CDKL4: variants seen among roughly 807,000 people sequenced by gnomAD.
CDKL4 encodes cyclin-dependent kinase-like 4.
Under a neutral mutation model 42.0 loss-of-function variants are expected in CDKL4, and 44 were observed. The ratio of observed to expected loss-of-function variants is 1.05; its 90% CI spans 0.82 to 1.35. The LOEUF (loss-of-function observed/expected upper bound fraction) is 1.35. Among genes scored for constraint, CDKL4 ranks in the 40% most tolerant of loss-of-function variants. The probability of loss-of-function intolerance (pLI) is 0.00; values close to 1 mark genes in which losing one functional copy is unlikely to be tolerated. For missense variants in CDKL4, 393 were observed against 369.9 expected (o/e 1.06, Z -0.51); for synonymous variants, 120 against 121.6 (o/e 0.99, Z 0.09).
At chr2:39,213,284 C>T (rs1434423951) in intron 4 of CDKL4, 116 bp downstream of exon 4, 1 of 658,884 alleles carries the variant, frequency 1.5e-6, no homozygotes, top group Admixed American at 2.8e-5. Context: ...TTTTGTTTTG[C>T]TTCTTTGGCT....
At chr2:39,221,209 G>A in intron 3 of CDKL4, among the ~76,000 whole-genome samples, 1 of 150,970 alleles carries the variant, frequency 6.6e-6, no homozygotes, top group Non-Finnish European at 1.5e-5. Flanking sequence ...AAGATATGGG[G>A]TTTCACTGTG....
At chr2:39,234,431 G>T (rs1161918134) in intron 1 of CDKL4, among the ~76,000 whole-genome samples, 6 of 151,622 alleles carry the variant, frequency 4.0e-5, no homozygotes, top group African/African-American at 1.2e-4. Context: ...TTAAAATGAA[G>T]AAAAAAAGGT....
intron 6 of CDKL4, among the ~76,000 whole-genome samples, chr2:39,189,790 A>T (rs1676066894): frequency 6.6e-6 from 1 of 152,370 alleles, no homozygotes; most frequent in African/African-American, 2.4e-5. Context: ...TCATTTGTTG[A>T]CATGCTGCGT....
At chr2:39,206,010 G>C (rs915613700) in intron 4 of CDKL4, among the ~76,000 whole-genome samples, 21 of 151,778 alleles carry the variant, frequency 1.4e-4, no homozygotes, top group Admixed American at 2.0e-4. Flanking sequence ...TACTGGGAAA[G>C]TGGGACCCGA....
intron 1 of CDKL4, among the ~76,000 whole-genome samples, chr2:39,238,580 T>C (rs912092024): frequency 6.6e-6 from 1 of 152,098 alleles, no homozygotes; most frequent in African/African-American, 2.4e-5. Context: ...AGAACAAATT[T>C]AGAATATTTA....
intron 4 of CDKL4, 78 bp from the exon 5 acceptor site, chr2:39,204,695 C>G: frequency 1.3e-6 from 1 of 742,878 alleles, no homozygotes; most frequent in East Asian, 2.7e-5. Flanking sequence ...GTTTAAATAA[C>G]AGATACACAG....
chr2:39,216,129 C>T (rs1677901076), intron 3 of CDKL4, among the ~76,000 whole-genome samples: 1 of 152,164 alleles, frequency 6.6e-6, no homozygotes, highest in Admixed American at 6.5e-5. Flanking sequence ...GCTCTCTGCA[C>T]CTTCAATTTT....
chr2:39,207,529 T>C (rs751556257), intron 4 of CDKL4, among the ~76,000 whole-genome samples: 1 of 152,250 alleles, frequency 6.6e-6, no homozygotes, highest in African/African-American at 2.4e-5. Flanking sequence ...TTATATCCTT[T>C]AAATGAGTTT....
At chr2:39,179,138 A>G in intron 9 of CDKL4, 49 bp downstream of exon 9, 2 of 1,576,610 alleles carry the variant, frequency 1.3e-6, no homozygotes, top group African/African-American at 1.4e-5. Flanking sequence ...ACAAACAAAA[A>G]CAAAAAAGGA....
intron 3 of CDKL4, among the ~76,000 whole-genome samples, chr2:39,219,172 T>C (rs1188906471): frequency 1.3e-5 from 2 of 152,216 alleles, no homozygotes; most frequent in Non-Finnish European, 2.9e-5. Flanking sequence ...CCAGAAATTT[T>C]ATAAACTAAA....
intron 5 of CDKL4, among the ~76,000 whole-genome samples, chr2:39,195,671 C>G (rs914597232): frequency 7.7e-6 from 1 of 130,408 alleles, no homozygotes; most frequent in Non-Finnish European, 1.6e-5. Context: ...GAGACAGGGT[C>G]TCACTTTGTC....
At chr2:39,204,242 C>A (rs1677029840) in intron 5 of CDKL4, among the ~76,000 whole-genome samples, 1 of 152,146 alleles carries the variant, frequency 6.6e-6, no homozygotes, top group Non-Finnish European at 1.5e-5. Context: ...TTCTTTGTTT[C>A]TTTTACTGTA....
intron 8 of CDKL4, among the ~76,000 whole-genome samples, chr2:39,183,115 A>G (rs770795324): frequency 1.3e-5 from 2 of 152,184 alleles, no homozygotes; most frequent in African/African-American, 4.8e-5. Flanking sequence ...CCCTGTCTCT[A>G]CTAAAAATAC....
intron 7 of CDKL4, among the ~76,000 whole-genome samples, chr2:39,186,723 T>C (rs1572950215): frequency 6.6e-6 from 1 of 152,148 alleles, no homozygotes. Flanking sequence ...AGCTTTGTTT[T>C]ACAAGCCGAA....
In CDKL4 at chr2:39,220,729, C is replaced by T. The variant is rs544830447; in HGVS notation, c.290+5110G>A. ...CCTCCCGAGTAGCTGGGATTACAGG[C>T]ACCTGCCACCACGCCTGGCTAATTT... On this transcript the variant is annotated intron_variant, in intron 3 of 9. Coordinates refer to ENST00000451199, the Ensembl canonical transcript of CDKL4. 2.1e-3 allele frequency among the ~76,000 whole-genome samples: 323 copies of T among 151,884 alleles called. 1 individual carries two copies. Among genetic ancestry groups the T allele is most frequent in the African/African-American group, 7.3e-3 (302 of 41,440 alleles).
At chr2:39,175,633 T>C, downstream of CDKL4, 1 of 172,488 alleles carries the variant, frequency 5.8e-6, no homozygotes, top group East Asian at 1.5e-4. Context: ...TTGATATTGC[T>C]TTAAGAAATT....
chr2:39,206,600 T>C lies in CDKL4; in HGVS notation c.364-1983A>G, dbSNP rs17023422. Reference sequence around the variant, plus strand: ...GCTCAGACCGTACCCTTCAGGACTTTACAGTTTATCCACGCTCCCAAAAAA... The same window carrying C: ...GCTCAGACCGTACCCTTCAGGACTTCACAGTTTATCCACGCTCCCAAAAAA... On this transcript the variant is annotated intron_variant, in intron 4 of 9. Transcript: ENST00000451199. Among the ~76,000 whole-genome samples, 1,019 of 152,316 alleles carry C rather than the reference T, an allele frequency of 6.7e-3. 11 individuals carry two copies. The highest frequency in any genetic ancestry group is 0.023 in the African/African-American group (974 of 41,580).
chr2:39,203,401 CA>C (rs1469013664), intron 5 of CDKL4, among the ~76,000 whole-genome samples: 1 of 151,694 alleles, frequency 6.6e-6, no homozygotes, highest in Non-Finnish European at 1.5e-5. Context: ...TAGGTTTTTT[CA>C]CTTATTTTTG....
intron 5 of CDKL4, among the ~76,000 whole-genome samples, chr2:39,194,381 G>A (rs1676383831): frequency 6.6e-6 from 1 of 152,164 alleles, no homozygotes; most frequent in African/African-American, 2.4e-5. Context: ...GGCTGAGGTG[G>A]GAGGATTGCT....
Sources: gnomAD v4.1 joint callset for allele counts (sites outside exome capture counted in the v4.1 genomes callset) on GRCh38, gnomAD v4.1.1 for gene constraint, MANE v1.5 for transcripts, NCBI Gene and HGNC (gene_info 2026-07-23, HGNC 2026-07-21) for gene names.